Variants in PCDH15 observed in about 807,000 individuals in gnomAD.
The protein encoded by PCDH15 is protocadherin related 15, also known as protocadherin-15.
A neutral mutation model predicts 178.5 loss-of-function variants in PCDH15; 129 were observed. The ratio of observed to expected loss-of-function variants is 0.72; its 90% CI spans 0.63 to 0.84. The LOEUF is 0.84. PCDH15 is among the 40% of genes least tolerant of loss of function. The pLI is 0.00. For synonymous variants in PCDH15, 800 were observed against 732.0 expected, an observed-to-expected ratio of 1.09 and a Z score of -1.50; for missense variants, 2,230 against 2,099.9, an observed-to-expected ratio of 1.06 and a Z score of -1.21.
intron 2 of PCDH15, among the ~76,000 whole-genome samples, chr10:54,898,649 T>C (rs1421057352): frequency 2.0e-5 from 3 of 152,152 alleles, no homozygotes; most frequent in Non-Finnish European, 4.4e-5. Context: ...AGTTCAGTAT[T>C]GTTCTAATGA....
intron 2 of PCDH15, among the ~76,000 whole-genome samples, chr10:54,652,376 A>C (rs539563960): frequency 9.8e-5 from 15 of 152,308 alleles, no homozygotes; most frequent in Non-Finnish European, 1.8e-4. Context: ...GACACCTGGA[A>C]TAGCTCAGTC....
intron 14 of PCDH15, among the ~76,000 whole-genome samples, chr10:54,138,026 A>T (rs2043045487): frequency 6.6e-6 from 1 of 152,080 alleles, no homozygotes. Context: ...TCAGAACAGC[A>T]TTTGAAATTT....
intron 21 of PCDH15, among the ~76,000 whole-genome samples, chr10:53,972,599 AT>A (rs1382149195): frequency 1.3e-5 from 2 of 152,230 alleles, no homozygotes; most frequent in Non-Finnish European, 2.9e-5. Context: ...ACAAGAAAAA[AT>A]CAAACAACCC....
chr10:54,976,302 G>C lies in PCDH15; in HGVS notation c.-79-78802C>G, dbSNP rs543645341. 2.6e-5 allele frequency among the ~76,000 whole-genome samples: 4 copies of C among 152,212 alleles called. No homozygotes were observed. In the South Asian group the frequency reaches 8.3e-4, roughly 32 times the overall value. ...ATTGTCCAACAGTTTCTTCCTGCCT[G>C]CTGCACAGACAAAACCAATTCACTG... On this transcript the variant is annotated intron_variant, in intron 2 of 5. Coordinates refer to the PCDH15 transcript ENST00000458638.
intron 6 of PCDH15, among the ~76,000 whole-genome samples, chr10:54,336,564 G>A (rs1941193375): frequency 6.6e-6 from 1 of 152,166 alleles, no homozygotes; most frequent in Non-Finnish European, 1.5e-5. Context: ...CCCAAGCCTT[G>A]GTAGCTTTCA....
intron 3 of PCDH15, among the ~76,000 whole-genome samples, chr10:54,388,090 C>G (rs1030063897): frequency 6.6e-6 from 1 of 152,114 alleles, no homozygotes; most frequent in Non-Finnish European, 1.5e-5. Flanking sequence ...CTTAATACCA[C>G]TGAACTGTAC....
In PCDH15 at chr10:53,806,339, A is replaced by C; in HGVS notation, c.*240T>G. 2.5e-6 allele frequency: 1 copy of C among 402,344 alleles called. No individual in the cohort carries two copies. Among genetic ancestry groups the C allele is most frequent in the Non-Finnish European group, 4.4e-6 (1 of 227,664 alleles). 24.9% of individuals were successfully genotyped at this position (402,344 alleles called of 1,614,324 possible). ...AAATTCAAGACCCAACAAAACAGCTAAATGTTTAAACGATAGGTTATTTAG... is the reference window on the plus strand; with the variant it reads ...AAATTCAAGACCCAACAAAACAGCTCAATGTTTAAACGATAGGTTATTTAG... On this transcript the variant is annotated 3_prime_UTR_variant, in exon 38 of 38. Transcript: ENST00000644397.
At chr10:54,070,961 C>A (rs570674926) in intron 17 of PCDH15, among the ~76,000 whole-genome samples, 11 of 151,982 alleles carry the variant, frequency 7.2e-5, no homozygotes, top group African/African-American at 2.2e-4. Flanking sequence ...AAGCCATAGT[C>A]AAAGAAAGTA....
rs1589055137 is a variant in PCDH15 at position 53,806,525 on chromosome 10, C to G, written c.*54G>C. On this transcript the variant is annotated 3_prime_UTR_variant, in exon 38 of 38. Coordinates refer to ENST00000644397, the MANE Select transcript of PCDH15 (RefSeq NM_001384140.1). ...GTTTTCTCAGTGACAATAAAAAGCA[C>G]AGTTTATTAAAAATGTAAGTAAAAA... 7.3e-7 allele frequency: 1 copy of G among 1,377,058 alleles called. No homozygotes were observed. Among genetic ancestry groups the G allele is most frequent in the Admixed American group, 2.3e-5 (1 of 42,704 alleles). The allele number at this position is 1,377,058 out of a possible 1,614,324, so 85.3% of individuals were successfully genotyped here.
chr10:55,359,747 TACACAC>T (rs57691062), intron 2 of PCDH15, among the ~76,000 whole-genome samples: 16 of 81,662 alleles, frequency 2.0e-4, no homozygotes, highest in Admixed American at 4.5e-4. Context: ...TATATATATA[TACACAC>T]ACACACACAC....
At chr10:55,403,632 C>T (rs1180206484) in intron 2 of PCDH15, among the ~76,000 whole-genome samples, 2 of 151,874 alleles carry the variant, frequency 1.3e-5, no homozygotes, top group South Asian at 2.1e-4. Flanking sequence ...GTGTTCTTTC[C>T]GCAATATATG....
At chr10:55,079,008 G>A in intron 2 of PCDH15, among the ~76,000 whole-genome samples, 1 of 151,804 alleles carries the variant, frequency 6.6e-6, no homozygotes, top group East Asian at 1.9e-4. Context: ...ATTTCTCATT[G>A]TTTCTTTGTA....
At chr10:54,007,170 T>C (rs960650785) in intron 20 of PCDH15, among the ~76,000 whole-genome samples, 2 of 152,228 alleles carry the variant, frequency 1.3e-5, no homozygotes, top group Non-Finnish European at 2.9e-5. Context: ...TATATTATGT[T>C]ACAACGCAGA....
intron 19 of PCDH15, among the ~76,000 whole-genome samples, chr10:54,020,623 G>A (rs922036801): frequency 6.6e-6 from 1 of 151,388 alleles, no homozygotes; most frequent in Non-Finnish European, 1.5e-5. Flanking sequence ...AAAGATGGAG[G>A]CAGGGAGGAA....
chr10:54,669,315 CATATT>C (rs899085250), intron 1 of PCDH15, among the ~76,000 whole-genome samples: 3 of 151,456 alleles, frequency 2.0e-5, no homozygotes, highest in African/African-American at 7.3e-5. Flanking sequence ...CCTTCTAGAT[CATATT>C]ATATTTTTCT....
intron 1 of PCDH15, among the ~76,000 whole-genome samples, chr10:54,747,558 T>C (rs948535658): frequency 2.0e-5 from 3 of 152,184 alleles, no homozygotes; most frequent in African/African-American, 7.2e-5. Flanking sequence ...AAATTTTAGT[T>C]AATCAAATTG....
chr10:54,188,116 C>T (rs181638810), intron 11 of PCDH15, among the ~76,000 whole-genome samples: 3 of 151,918 alleles, frequency 2.0e-5, no homozygotes, highest in African/African-American at 7.2e-5. Context: ...AAAGGTGTAT[C>T]AAAGGTTTGG....
At chr10:53,853,150 A>G (rs2078497178) in intron 28 of PCDH15, among the ~76,000 whole-genome samples, 1 of 152,082 alleles carries the variant, frequency 6.6e-6, no homozygotes, top group African/African-American at 2.4e-5. Flanking sequence ...AATCTACAAA[A>G]TGAAATCAGA....
At chr10:55,072,517 C>T (rs1319058421) in intron 2 of PCDH15, among the ~76,000 whole-genome samples, 1 of 151,930 alleles carries the variant, frequency 6.6e-6, no homozygotes, top group Non-Finnish European at 1.5e-5. Context: ...ATAAATTCCT[C>T]GACACATACA....
Sources: allele counts gnomAD v4.1 joint callset (sites outside exome capture counted in the v4.1 genomes callset), GRCh38; gene constraint gnomAD v4.1.1; transcripts MANE v1.5; gene names NCBI Gene and HGNC (gene_info 2026-07-23, HGNC 2026-07-21).